Variants in DNER observed in about 807,000 individuals in gnomAD.
DNER encodes delta/notch like EGF repeat containing.
DNER carries 33 observed loss-of-function variants against 78.2 expected under a neutral mutation model. The ratio of observed to expected loss-of-function variants is 0.42; its 90% CI spans 0.32 to 0.56. The LOEUF is 0.56. DNER is among the 20% of genes least tolerant of loss of function. The pLI, the probability that DNER is intolerant of heterozygous loss-of-function variation, is 0.11. For missense variants in DNER, 918 were observed against 975.3 expected (o/e 0.94, Z 0.78); for synonymous variants, 417 against 384.8 (o/e 1.08, Z -0.98).
intron 7 of DNER, among the ~76,000 whole-genome samples, chr2:229,448,454 AACTCTGTAAATT>A (rs1017789716): frequency 6.6e-6 from 1 of 152,224 alleles, no homozygotes; most frequent in Admixed American, 6.5e-5. Context: ...ATAGCTGCAC[AACTCTGTAAATT>A]TACTAATATG....
At chr2:229,503,343 T>C (rs1377104242) in intron 6 of DNER, among the ~76,000 whole-genome samples, 1 of 152,166 alleles carries the variant, frequency 6.6e-6, no homozygotes, top group Non-Finnish European at 1.5e-5. Flanking sequence ...ACTAGCATTG[T>C]TACCAGCAGT....
At chr2:229,564,241 A>G (rs1387622449) in intron 4 of DNER, among the ~76,000 whole-genome samples, 9 of 103,118 alleles carry the variant, frequency 8.7e-5, no homozygotes, top group Non-Finnish European at 7.8e-5. Context: ...TCCATCATCA[A>G]CATCATGACA....
intron 6 of DNER, among the ~76,000 whole-genome samples, chr2:229,511,447 C>G (rs758334408): frequency 1.3e-5 from 2 of 152,188 alleles, no homozygotes; most frequent in Non-Finnish European, 2.9e-5. Flanking sequence ...ATGAAGTCTA[C>G]AGCAACACTG....
At chr2:229,571,127 C>T (rs1379155853) in intron 4 of DNER, among the ~76,000 whole-genome samples, 1 of 151,938 alleles carries the variant, frequency 6.6e-6, no homozygotes, top group Non-Finnish European at 1.5e-5. Context: ...TGCTAGTAGC[C>T]GTGAAGGTGG....
chr2:229,574,987 T>C (rs962774678), intron 4 of DNER, among the ~76,000 whole-genome samples: 2 of 152,178 alleles, frequency 1.3e-5, no homozygotes, highest in Non-Finnish European at 2.9e-5. Context: ...AGGGAAAGTT[T>C]TAAAGAAATA....
At chr2:229,375,164 C>T (rs959771473) in intron 11 of DNER, among the ~76,000 whole-genome samples, 6 of 152,144 alleles carry the variant, frequency 3.9e-5, no homozygotes, top group Non-Finnish European at 7.4e-5. Flanking sequence ...CAGGTTCCAT[C>T]AGAGATGGGA....
intron 1 of DNER, among the ~76,000 whole-genome samples, chr2:229,654,379 G>C (rs1698876766): frequency 6.6e-6 from 1 of 152,144 alleles, no homozygotes; most frequent in African/African-American, 2.4e-5. Context: ...ATTCACAATA[G>C]CAAAGACTTG....
intron 6 of DNER, among the ~76,000 whole-genome samples, chr2:229,487,397 A>C (rs2154211605): frequency 6.6e-6 from 1 of 152,362 alleles, no homozygotes; most frequent in East Asian, 1.9e-4. Flanking sequence ...AATAAAGTGC[A>C]ATATTGATAC....
intron 1 of DNER, among the ~76,000 whole-genome samples, chr2:229,609,725 A>G (rs1698009178): frequency 1.3e-5 from 2 of 152,236 alleles, no homozygotes; most frequent in African/African-American, 4.8e-5. Flanking sequence ...GCAGTGTCAC[A>G]CATTGCTGCT....
chr2:229,452,769 A>C lies in DNER; in HGVS notation c.1262-5229T>G, dbSNP rs536915333. Among the ~76,000 whole-genome samples, 164 of 152,286 alleles carry C rather than the reference A, an allele frequency of 1.1e-3. 1 individual carries two copies. The highest frequency in any genetic ancestry group is 3.4e-3 in the Middle Eastern group (1 of 294). Reference sequence around the variant, plus strand: ...CAGCCTCCCAAGTAACTGGGACTACAGGCACTTGCCACCACGCCCAGCTAA... The same window carrying C: ...CAGCCTCCCAAGTAACTGGGACTACCGGCACTTGCCACCACGCCCAGCTAA... On this transcript the variant is annotated intron_variant, in intron 7 of 12. Coordinates refer to ENST00000341772, the MANE Select transcript of DNER (RefSeq NM_139072.4).
At chr2:229,419,954 T>G (rs1031478901) in intron 8 of DNER, among the ~76,000 whole-genome samples, 1 of 148,040 alleles carries the variant, frequency 6.8e-6, no homozygotes, top group Non-Finnish European at 1.5e-5. Context: ...CTGCTAAGCA[T>G]CCTACAGTTC....
chr2:229,714,228 C>A lies in DNER; in HGVS notation c.196G>T (p.Asp66Tyr). ...GGVCTSRPEP[D>Y]PQHPAPAGEP... Reference sequence around the variant, plus strand: ...CCGGCGGGGGCCGGGTGCTGCGGGTCCGGCTCAGGGCGCGAGGTGCACACA... The same window carrying A: ...CCGGCGGGGGCCGGGTGCTGCGGGTACGGCTCAGGGCGCGAGGTGCACACA... The change falls in exon 1 of 13, where the codon GAC becomes TAC. Residue 66 changes from aspartate (D) to tyrosine (Y), a missense_variant. Asp to Tyr is a radical substitution (Grantham distance 160). Transcript: ENST00000341772. 1 of 1,405,420 alleles carries A rather than the reference C, an allele frequency of 7.1e-7. No individual in the cohort carries two copies. The highest frequency in any genetic ancestry group is 9.2e-7 in the Non-Finnish European group (1 of 1,082,066). 87.1% of individuals were successfully genotyped at this position (1,405,420 alleles called of 1,614,324 possible). A position where few individuals can be genotyped will look rare whatever the true frequency, so the allele number is the denominator to read the frequency against.
At chr2:229,442,350 C>T (rs1265926191) in intron 8 of DNER, among the ~76,000 whole-genome samples, 1 of 152,026 alleles carries the variant, frequency 6.6e-6, no homozygotes, top group Non-Finnish European at 1.5e-5. Flanking sequence ...CCCATCTTTA[C>T]TAAAAATACA....
rs1248795358 is a variant in DNER, at chr2:229,690,812, T to C, written c.276+23336A>G. On this transcript the variant is annotated intron_variant, in intron 1 of 12. Coordinates refer to ENST00000341772, the MANE Select transcript of DNER (RefSeq NM_139072.4). Reference sequence around the variant, plus strand: ...ATTATGGAAAAACAGAGCAGAGTAATGGGGTTTGTGTTTGTGTGTATACAT... The same window carrying C: ...ATTATGGAAAAACAGAGCAGAGTAACGGGGTTTGTGTTTGTGTGTATACAT... 2.0e-5 allele frequency among the ~76,000 whole-genome samples: 3 copies of C among 152,152 alleles called. 1 individual carries two copies. Among genetic ancestry groups the C allele is most frequent in the East Asian group, 1.9e-4 (1 of 5,192 alleles).
At chr2:229,586,950 C>T in intron 3 of DNER, 1 of 985,400 alleles carries the variant, frequency 1.0e-6, no homozygotes, top group Non-Finnish European at 1.2e-6. Context: ...GCTAGTAACC[C>T]CCACAAGTGA....
intron 11 of DNER, among the ~76,000 whole-genome samples, chr2:229,369,384 C>T (rs1456986355): frequency 2.7e-5 from 4 of 147,298 alleles, no homozygotes; most frequent in Non-Finnish European, 6.0e-5. Context: ...TTTTAACTTT[C>T]TAAAAAGTTA....
intron 5 of DNER, among the ~76,000 whole-genome samples, chr2:229,514,902 C>G (rs537008782): frequency 6.6e-6 from 1 of 152,192 alleles, no homozygotes; most frequent in South Asian, 2.1e-4. Context: ...CTTCTGTTAA[C>G]AGAATACGGT....
intron 6 of DNER, among the ~76,000 whole-genome samples, chr2:229,501,046 A>G (rs1695610945): frequency 6.6e-6 from 1 of 152,180 alleles, no homozygotes; most frequent in African/African-American, 2.4e-5. Flanking sequence ...CAGAAGGAGA[A>G]ATGCTGTGTG....
intron 11 of DNER, among the ~76,000 whole-genome samples, chr2:229,372,376 G>T (rs1692503968): frequency 6.6e-6 from 1 of 152,248 alleles, no homozygotes; most frequent in African/African-American, 2.4e-5. Flanking sequence ...ACGGAGTTAG[G>T]TTATGAGTGG....
Sources: gnomAD v4.1 joint callset for allele counts (sites outside exome capture counted in the v4.1 genomes callset) on GRCh38, gnomAD v4.1.1 for gene constraint, MANE v1.5 for transcripts, NCBI Gene and HGNC (gene_info 2026-07-23, HGNC 2026-07-21) for gene names.